Variants in SGCZ observed in about 807,000 individuals in gnomAD.
The protein encoded by SGCZ is zeta-sarcoglycan.
SGCZ carries 40 observed loss-of-function variants against 41.3 expected under a neutral mutation model. The ratio of observed to expected loss-of-function variants is 0.97; its 90% CI spans 0.75 to 1.26. The LOEUF is 1.26. Among genes scored for constraint, SGCZ ranks in the 50% most tolerant of loss-of-function variants. The pLI is 0.00. For synonymous variants in SGCZ, 206 were observed against 137.5 expected (o/e 1.50, Z -3.49); for missense variants, 552 against 369.8 (o/e 1.49, Z -4.04).
chr8:14,478,671 T>A (rs1321636756), intron 2 of SGCZ, among the ~76,000 whole-genome samples: 1 of 152,134 alleles, frequency 6.6e-6, no homozygotes, highest in African/African-American at 2.4e-5. Flanking sequence ...TAAGAGGGAA[T>A]CTGGTTGATT....
chr8:14,832,258 T>A (rs1249097836), intron 1 of SGCZ, among the ~76,000 whole-genome samples: 1 of 152,198 alleles, frequency 6.6e-6, no homozygotes, highest in Non-Finnish European at 1.5e-5. Context: ...TGGATAACTA[T>A]CAATAAAGCT....
intron 2 of SGCZ, among the ~76,000 whole-genome samples, chr8:14,507,777 T>TTG (rs1443136622): frequency 2.9e-5 from 4 of 136,858 alleles, no homozygotes; most frequent in South Asian, 2.3e-4. Context: ...TGTTTTTGTT[T>TTG]TTTTTTTTTT....
rs542999423 is a variant in SGCZ, at chr8:14,457,499, T to C, written c.234+97233A>G. ...GCTCCTCCAACTCTTGTGGAGGGCC[T>C]GACATCAGTCAGGCTTGCCTGCAGT... On this transcript the variant is annotated intron_variant, in intron 2 of 7. Coordinates refer to ENST00000382080, the MANE Select transcript of SGCZ (RefSeq NM_139167.4). Among the ~76,000 whole-genome samples, 3 of 152,330 alleles carry C rather than the reference T, an allele frequency of 2.0e-5. No homozygotes were observed. In the East Asian group the frequency reaches 5.8e-4, roughly 29 times the overall value.
At chr8:14,401,992 G>A (rs9774396) in intron 2 of SGCZ, among the ~76,000 whole-genome samples, 17,632 of 151,144 alleles carry the variant, frequency 0.12, 1,669 homozygotes, top group African/African-American at 0.26. Context: ...AACTGGTGTG[G>A]GATGGTATCT....
chr8:14,862,485 G>A (rs1046192480), intron 1 of SGCZ, among the ~76,000 whole-genome samples: 3 of 143,164 alleles, frequency 2.1e-5, no homozygotes, highest in African/African-American at 5.2e-5. Flanking sequence ...AACAAGAAAT[G>A]AGACCAAATT....
chr8:14,945,349 T>A (rs1419008647), intron 1 of SGCZ, among the ~76,000 whole-genome samples: 1 of 152,142 alleles, frequency 6.6e-6, no homozygotes, highest in African/African-American at 2.4e-5. Context: ...TAATTAATTA[T>A]CTCACACCTT....
At chr8:14,904,327 G>A (rs2130765439) in intron 1 of SGCZ, among the ~76,000 whole-genome samples, 1 of 152,014 alleles carries the variant, frequency 6.6e-6, no homozygotes, top group East Asian at 1.9e-4. Context: ...TAATGTTTTG[G>A]TATAAATATC....
intron 3 of SGCZ, among the ~76,000 whole-genome samples, chr8:14,314,265 A>C (rs1329500264): frequency 6.7e-6 from 1 of 149,964 alleles, no homozygotes; most frequent in Non-Finnish European, 1.5e-5. Flanking sequence ...AGTTTTAATG[A>C]GGGTCTTCTA....
At chr8:14,205,324 T>G (rs924274731) in intron 4 of SGCZ, among the ~76,000 whole-genome samples, 2 of 152,190 alleles carry the variant, frequency 1.3e-5, no homozygotes, top group Non-Finnish European at 2.9e-5. Flanking sequence ...TTTTGTGTAT[T>G]GTCAAATCTT....
intron 1 of SGCZ, chr8:14,853,368 A>T (rs1803411282): frequency 8.4e-6 from 4 of 476,910 alleles, no homozygotes; most frequent in South Asian, 6.0e-5. Flanking sequence ...CAGTCCACCA[A>T]ATGCAGTTCC....
At chr8:15,136,738 C>G (rs1373829471) in intron 1 of SGCZ, among the ~76,000 whole-genome samples, 2 of 152,180 alleles carry the variant, frequency 1.3e-5, no homozygotes, top group Non-Finnish European at 2.9e-5. Context: ...TTTCCTGAGG[C>G]CTCCCCAGCC....
intron 2 of SGCZ, among the ~76,000 whole-genome samples, chr8:14,353,946 A>G (rs1295946057): frequency 1.3e-5 from 2 of 152,094 alleles, no homozygotes; most frequent in Non-Finnish European, 2.9e-5. Flanking sequence ...AATAATTTGG[A>G]GAAGTCTAGC....
chr8:15,074,179 A>G (rs1805450328), intron 1 of SGCZ, among the ~76,000 whole-genome samples: 1 of 152,066 alleles, frequency 6.6e-6, no homozygotes, highest in Admixed American at 6.6e-5. Flanking sequence ...GCTGACCTCA[A>G]TCCTTTCCTC....
At chr8:14,475,222 T>A (rs536492304) in intron 2 of SGCZ, among the ~76,000 whole-genome samples, 2 of 152,306 alleles carry the variant, frequency 1.3e-5, no homozygotes, top group Admixed American at 1.3e-4. Context: ...TAGTTTTATT[T>A]GCTTTTTTAT....
intron 2 of SGCZ, among the ~76,000 whole-genome samples, chr8:14,487,586 G>T (rs1314850456): frequency 2.7e-5 from 2 of 74,918 alleles, no homozygotes; most frequent in Admixed American, 2.8e-4. Flanking sequence ...TTTCAATTAT[G>T]TTTCTTAGGG....
chr8:14,269,398 C>T (rs1799986320), intron 3 of SGCZ, among the ~76,000 whole-genome samples: 1 of 58,262 alleles, frequency 1.7e-5, no homozygotes, highest in Admixed American at 2.0e-4. Context: ...GCATAAATTT[C>T]CAGAGACAGG....
intron 2 of SGCZ, among the ~76,000 whole-genome samples, chr8:14,496,823 T>C (rs1177652611): frequency 6.6e-6 from 1 of 152,212 alleles, no homozygotes; most frequent in African/African-American, 2.4e-5. Context: ...AGTGTCTGTG[T>C]GTGTATAAAC....
intron 2 of SGCZ, among the ~76,000 whole-genome samples, chr8:14,440,696 TGTATATATGTATATAC>T (rs1800226865): frequency 1.4e-5 from 1 of 71,168 alleles, no homozygotes; most frequent in South Asian, 4.1e-4. Flanking sequence ...TACACGTATA[TGTATATATGTATATAC>T]ATACGTATAC....
chr8:14,994,990 T>C (rs1250878176), intron 1 of SGCZ, among the ~76,000 whole-genome samples: 2 of 152,214 alleles, frequency 1.3e-5, no homozygotes, highest in East Asian at 1.9e-4. Context: ...TGTTCTTCTG[T>C]TGGAGAAAAT....
Sources: allele counts gnomAD v4.1 joint callset (sites outside exome capture counted in the v4.1 genomes callset), GRCh38; gene constraint gnomAD v4.1.1; transcripts MANE v1.5; gene names NCBI Gene and HGNC (gene_info 2026-07-23, HGNC 2026-07-21).